Variants in GPS1 observed in about 807,000 individuals in gnomAD.
The protein encoded by GPS1 is COP9 signalosome complex subunit 1.
A neutral mutation model predicts 60.0 loss-of-function variants in GPS1; 11 were observed. That is an observed-to-expected ratio of 0.18 (90% CI 0.12 to 0.30). The LOEUF is 0.30. Among genes scored for constraint, GPS1 ranks in the 10% least tolerant of loss-of-function variants. The pLI, the probability that GPS1 is intolerant of heterozygous loss-of-function variation, is 1.00. For missense variants in GPS1, 543 were observed against 669.2 expected (o/e 0.81, Z 2.08); for synonymous variants, 343 against 269.8 (o/e 1.27, Z -2.66).
Position 82,055,153 on chromosome 17 carries a change from C to T in GPS1, c.688-9C>T. On this transcript the variant is annotated splice_polypyrimidine_tract_variant and intron_variant, in intron 5 of 12. Transcript: ENST00000578552. The stretch of plus-strand genomic sequence containing the variant: ...GCATGGGCCTCACGCATGTGGCTTC[C>T]TCCTACAGCAGCGAGGAGAGCGTGA... 1 of 1,565,204 alleles carries T rather than the reference C, an allele frequency of 6.4e-7. No individual in the cohort carries two copies. The highest frequency in any genetic ancestry group is 8.7e-7 in the Non-Finnish European group (1 of 1,155,064).
chr17:82,057,154 C>T lies in GPS1; in HGVS notation c.*27C>T. ...GGGTGAACCTTGGCCTCCAGGACAT[C>T]TGCACCCCCTCCCCACCTCCACGGA... is the stretch of plus-strand genomic sequence containing the variant. On this transcript the variant is annotated 3_prime_UTR_variant, in exon 13 of 13. Transcript: ENST00000578552. 1.3e-6 allele frequency: 2 copies of T among 1,568,610 alleles called. No homozygotes were observed. Among genetic ancestry groups the T allele is most frequent in the Non-Finnish European group, 1.7e-6 (2 of 1,154,836 alleles).
intron 3 of GPS1, 74 bp from the exon 4 acceptor site, chr17:82,054,436 G>T: frequency 7.0e-7 from 1 of 1,436,284 alleles, no homozygotes; most frequent in Middle Eastern, 2.3e-4. Flanking sequence ...AGGGCAGCCT[G>T]AGATTGGCGG....
chr17:82,055,269 T>G, intron 6 of GPS1, 47 bp downstream of exon 6: 1 of 1,534,962 alleles, frequency 6.5e-7, no homozygotes, highest in Non-Finnish European at 8.8e-7. Context: ...CCCCTGTTGC[T>G]AAGTCCTCCC....
intron 6 of GPS1, 141 bp downstream of exon 6, chr17:82,055,363 G>C: frequency 1.2e-6 from 1 of 825,844 alleles, no homozygotes. Context: ...ACATGTACAG[G>C]TGTAGGTGGT....
In GPS1 at chr17:82,054,413, G is replaced by A. The variant is rs751335065; in HGVS notation, c.309-97G>A. On this transcript the variant is annotated intron_variant, in intron 3 of 12. Transcript: ENST00000578552. ...AGCGGGAGGTGCCCACCTGTGTGCC[G>A]GTTGGGCCTTTGAGGGCAGCCTGAG... 4.8e-5 allele frequency: 68 copies of A among 1,403,102 alleles called. No individual in the cohort carries two copies. In the South Asian group the frequency reaches 7.7e-4, roughly 16 times the overall value. The allele number at this position is 1,403,102 out of a possible 1,614,324, so 86.9% of individuals were successfully genotyped here.
At chr17:82,052,287 G>T in intron 1 of GPS1, 1 of 1,612,714 alleles carries the variant, frequency 6.2e-7, no homozygotes, top group Non-Finnish European at 8.5e-7. Context: ...GGGTCGGGGG[G>T]TGCAGAAAGT....
intron 1 of GPS1, chr17:82,052,336 C>T (rs202075762): frequency 7.4e-6 from 12 of 1,612,960 alleles, no homozygotes; most frequent in African/African-American, 6.7e-5. Flanking sequence ...CCAGCTCGGC[C>T]TCCTCGTCAG....
Position 82,053,858 on chromosome 17 carries a change from C to T in GPS1, c.127-10C>T, listed in dbSNP as rs765839998. 5 of 1,601,648 alleles carry T rather than the reference C, an allele frequency of 3.1e-6. No individual in the cohort carries two copies. Among genetic ancestry groups the T allele is most frequent in the East Asian group, 2.2e-5 (1 of 44,686 alleles). On this transcript the variant is annotated splice_polypyrimidine_tract_variant and intron_variant, in intron 2 of 12. Coordinates refer to ENST00000578552, the MANE Select transcript of GPS1 (RefSeq NM_001321092.3). The stretch of plus-strand genomic sequence containing the variant: ...CATCCTGCCTGACTCTTGTCTGTGC[C>T]TGCTCCCAGGATCTGGAACAGTACG...
intron 1 of GPS1, 86 bp downstream of exon 1, chr17:82,052,050 C>A: frequency 5.9e-6 from 6 of 1,023,810 alleles, no homozygotes; most frequent in Non-Finnish European, 7.2e-6. Flanking sequence ...GGGCGCGGGG[C>A]CTGCGCCAGG....
At chr17:82,053,160 T>C in intron 1 of GPS1, 114 bp from the exon 2 acceptor site, 1 of 774,758 alleles carries the variant, frequency 1.3e-6, no homozygotes, top group East Asian at 3.4e-5. Flanking sequence ...GGGAGTGTGG[T>C]CCGACTGGCC....
chr17:82,054,863 G>C (rs574941019), intron 4 of GPS1, 35 bp from the exon 5 acceptor site: 3 of 1,568,270 alleles, frequency 1.9e-6, no homozygotes, highest in African/African-American at 2.7e-5. Flanking sequence ...CCATTGGGGC[G>C]CCCGGGCTCA....
In GPS1 at chr17:82,056,614, C is replaced by T. The variant is rs2032851957; in HGVS notation, c.1117-15C>T. ...ATGCAGGGGGCTGTGGAGCTGACTT[C>T]CCTCTGCCCTGCAGTATTTCAGCCC... On this transcript the variant is annotated splice_polypyrimidine_tract_variant and intron_variant, in intron 10 of 12. Coordinates refer to ENST00000578552, the MANE Select transcript of GPS1 (RefSeq NM_001321092.3). The T allele has an allele frequency of 1.2e-6, 2 of 1,612,014 alleles. No homozygotes were observed. The highest frequency in any genetic ancestry group is 1.7e-5 in the Admixed American group (1 of 59,974).
chr17:82,052,355 C>T (rs753980537), intron 1 of GPS1: 7 of 1,612,768 alleles, frequency 4.3e-6, no homozygotes, highest in Non-Finnish European at 5.1e-6. Context: ...AGTGACAGAT[C>T]TGTACTGCAC....
upstream of GPS1, chr17:82,051,775 C>A: frequency 9.0e-7 from 1 of 1,108,634 alleles, no homozygotes; most frequent in Non-Finnish European, 1.1e-6. This position sits in a 1 kb window ranked among gnomAD's most constrained non-coding sequence, Gnocchi z 4.1. Context: ...ATGCGGCCGC[C>A]GGGACCCCCG....
chr17:82,055,583 A>G (rs931292136), intron 6 of GPS1, 157 bp from the exon 7 acceptor site: 3 of 622,022 alleles, frequency 4.8e-6, no homozygotes, highest in Admixed American at 5.5e-5. Flanking sequence ...TGACTAGAGT[A>G]TCTGTCCCCA....
chr17:82,054,394 A>G, intron 3 of GPS1, 116 bp from the exon 4 acceptor site: 1 of 1,318,888 alleles, frequency 7.6e-7, no homozygotes, highest in Non-Finnish European at 1.0e-6. Flanking sequence ...GGCCAGCGGG[A>G]GGTGCCCACC....
chr17:82,051,528 CGCA>C (rs1231870446), upstream of GPS1: 1 of 1,398,106 alleles, frequency 7.2e-7, no homozygotes, highest in South Asian at 1.5e-5. This position sits in a 1 kb window ranked among gnomAD's most constrained non-coding sequence, Gnocchi z 4.1. Context: ...GATCCAGGTG[CGCA>C]GCAGCAGCCG....
rs113959514 is a variant in GPS1 at position 82,056,042 on chromosome 17, C to T, written c.876C>T (p.Cys292=). Residue 292 remains cysteine, a synonymous_variant, in exon 8 of 13, where the codon TGC becomes TGT. Transcript: ENST00000578552. ...ACGTGGCCATCTACGGTGGCCTGTG[C>T]GCCTTGGCTACCTTTGACCGGCAGG... ...PSNVAIYGGL[C]ALATFDRQEL... is the part of the protein sequence containing the mutation. The T allele has an allele frequency of 0.027, 43,776 of 1,612,502 alleles. 728 individuals carry two copies. Among genetic ancestry groups the T allele is most frequent in the Non-Finnish European group, 0.032 (38,222 of 1,179,678 alleles).
Position 82,054,589 on chromosome 17 carries a change from A to G in GPS1, c.388A>G (p.Thr130Ala). 2 of 1,603,766 alleles carry G rather than the reference A, an allele frequency of 1.2e-6. No individual in the cohort carries two copies. Among genetic ancestry groups the G allele is most frequent in the Non-Finnish European group, 1.7e-6 (2 of 1,176,722 alleles). The change falls in exon 4 of 13, where the codon ACG (threonine) becomes GCG (alanine). Residue 130 changes from threonine (T) to alanine (A), a missense_variant. Physicochemically the swap from Thr to Ala is moderately conservative, Grantham distance 58. Around this residue, in one of 3 missense-constraint regions of GPS1, gnomAD observed 181 missense variants for 188.8 expected, o/e 0.96. Transcript: ENST00000578552. Reference protein sequence around the residue: ...PALDTAWVEATRKKALLKLEK... With the variant: ...PALDTAWVEAARKKALLKLEK... The stretch of plus-strand genomic sequence containing the variant: ...CCTGGACACGGCCTGGGTGGAGGCC[A>G]CGCGGAAGAAGGCGCTGCTGAAGCT...
Sources: gnomAD v4.1 joint callset for allele counts on GRCh38, gnomAD v4.1.1 for gene constraint, gnomAD v4.1.1 regional missense constraint, Gnocchi (gnomAD v3.1) non-coding constraint, MANE v1.5 for transcripts, NCBI Gene and HGNC (gene_info 2026-07-23, HGNC 2026-07-21) for gene names.